Variants in ZRANB3 observed in about 807,000 individuals in gnomAD.
ZRANB3 encodes the protein zinc finger RANBP2-type containing 3.
ZRANB3 carries 125 observed loss-of-function variants against 133.8 expected under a neutral mutation model. That is an observed-to-expected ratio of 0.93 (90% CI 0.81 to 1.08). The LOEUF (loss-of-function observed/expected upper bound fraction) is 1.08, where lower values mean the gene tolerates loss of function less well. Ranked by LOEUF, ZRANB3 falls within the 50% of genes least tolerant of loss-of-function variation. The probability of loss-of-function intolerance (pLI) is 0.00; values close to 1 mark genes in which losing one functional copy is unlikely to be tolerated. For missense variants in ZRANB3, 1,229 were observed against 1,275.5 expected, an observed-to-expected ratio of 0.96 and a Z score of 0.56; for synonymous variants, 387 against 432.7, an observed-to-expected ratio of 0.89 and a Z score of 1.31.
intron 1 of ZRANB3, among the ~76,000 whole-genome samples, chr2:135,521,447 G>A (rs758986422): frequency 6.6e-6 from 1 of 152,114 alleles, no homozygotes; most frequent in Non-Finnish European, 1.5e-5. Flanking sequence ...GAGGACAATC[G>A]CTTGAACCCG....
chr2:135,272,860 G>T (rs1226740533), intron 9 of ZRANB3, among the ~76,000 whole-genome samples: 3 of 152,020 alleles, frequency 2.0e-5, no homozygotes, highest in African/African-American at 7.2e-5. Context: ...AGACAAGGGG[G>T]TTATCACTAT....
chr2:135,271,901 G>C lies in ZRANB3; in HGVS notation c.1087-14C>G. On this transcript the variant is annotated splice_polypyrimidine_tract_variant and intron_variant, in intron 9 of 20. Transcript: ENST00000264159. ...AATGTAACGAGTCTAGCATCAACAA[G>C]GAAAACGGCAAAATTAGGACAAGGC... 1.1e-5 allele frequency: 17 copies of C among 1,604,662 alleles called. 1 individual carries two copies. The highest frequency in any genetic ancestry group is 1.3e-5 in the Non-Finnish European group (15 of 1,176,568).
chr2:135,449,422 C>T (rs919681360), intron 2 of ZRANB3, among the ~76,000 whole-genome samples: 19 of 152,122 alleles, frequency 1.2e-4, no homozygotes, highest in Admixed American at 6.5e-5. Flanking sequence ...GAGTTCGAGA[C>T]CATCCTGGCC....
intron 17 of ZRANB3, among the ~76,000 whole-genome samples, chr2:135,214,899 G>A (rs1347231787): frequency 1.3e-5 from 2 of 152,158 alleles, no homozygotes; most frequent in African/African-American, 4.8e-5. Context: ...TTAATTTACT[G>A]TACTCATACA....
chr2:135,296,473 A>G (rs953374739), intron 8 of ZRANB3, among the ~76,000 whole-genome samples: 3 of 151,522 alleles, frequency 2.0e-5, no homozygotes, highest in Non-Finnish European at 4.4e-5. Context: ...CTAGTTAGCC[A>G]TTCGTCTAAT....
chr2:135,485,818 T>A (rs1406203296), intron 2 of ZRANB3, among the ~76,000 whole-genome samples: 1 of 152,180 alleles, frequency 6.6e-6, no homozygotes, highest in African/African-American at 2.4e-5. Flanking sequence ...AAAACATTGC[T>A]AAAAAAGGGT....
At chr2:135,385,498 T>G (rs985520628) in intron 3 of ZRANB3, among the ~76,000 whole-genome samples, 1 of 151,980 alleles carries the variant, frequency 6.6e-6, no homozygotes, top group Non-Finnish European at 1.5e-5. Context: ...CTAAAGTTCA[T>G]ATGGAACCAA....
At chr2:135,213,024 G>C (rs776077904) in intron 17 of ZRANB3, among the ~76,000 whole-genome samples, 2 of 152,158 alleles carry the variant, frequency 1.3e-5, no homozygotes, top group Non-Finnish European at 2.9e-5. Context: ...AGCTTGGATG[G>C]GGCCTGCAAA....
intron 6 of ZRANB3, among the ~76,000 whole-genome samples, chr2:135,325,002 T>C (rs1259615137): frequency 6.6e-6 from 1 of 152,222 alleles, no homozygotes; most frequent in African/African-American, 2.4e-5. Flanking sequence ...GATTTCTTTT[T>C]TAATTAAATA....
chr2:135,395,438 ATTTC>A (rs1256058318), intron 2 of ZRANB3, among the ~76,000 whole-genome samples: 2 of 137,020 alleles, frequency 1.5e-5, no homozygotes, highest in Admixed American at 7.3e-5. Context: ...ATGGGCAAAG[ATTTC>A]TTTTTTTTTT....
intron 5 of ZRANB3, among the ~76,000 whole-genome samples, chr2:135,349,698 G>C (rs1365466070): frequency 6.6e-6 from 1 of 152,048 alleles, no homozygotes; most frequent in Non-Finnish European, 1.5e-5. Flanking sequence ...AAGAACCTCA[G>C]GAACACATTA....
rs901374930 is a variant in ZRANB3, at chr2:135,214,931, A to G, written c.2495+2534T>C. ...TACAACATTTTACATTTATTTATTC[A>G]TTTTGAGACAGGGTCTTGCTTGATC... On this transcript the variant is annotated intron_variant, in intron 17 of 20. Coordinates refer to ENST00000264159, the MANE Select transcript of ZRANB3 (RefSeq NM_032143.4). Among the ~76,000 whole-genome samples, 27 of 152,150 alleles carry G rather than the reference A, an allele frequency of 1.8e-4. 1 individual carries two copies. Among genetic ancestry groups the G allele is most frequent in the South Asian group, 2.1e-4 (1 of 4,834 alleles).
At chr2:135,512,634 A>T (rs1209272536) in intron 1 of ZRANB3, among the ~76,000 whole-genome samples, 1 of 151,928 alleles carries the variant, frequency 6.6e-6, no homozygotes, top group African/African-American at 2.4e-5. Context: ...TGAAAGTAAA[A>T]GAATTAAAAA....
chr2:135,232,006 G>A (rs1228904496), intron 12 of ZRANB3, among the ~76,000 whole-genome samples: 6 of 152,178 alleles, frequency 3.9e-5, no homozygotes, highest in African/African-American at 7.2e-5. Flanking sequence ...CGACTCACCC[G>A]GGAAGCGCAA....
rs1693562626 is a variant in ZRANB3 at position 135,200,240 on chromosome 2, T to C, written c.*102A>G. ...GAATTTGAATTCTTGATTTTTGTTC[T>C]GAAAATTTTTACTCTCGATATATTA... On this transcript the variant is annotated 3_prime_UTR_variant, in exon 21 of 21. Coordinates refer to ENST00000264159, the MANE Select transcript of ZRANB3 (RefSeq NM_032143.4). 1 of 940,842 alleles carries C rather than the reference T, an allele frequency of 1.1e-6. No homozygotes were observed. Among genetic ancestry groups the C allele is most frequent in the Non-Finnish European group, 1.6e-6 (1 of 619,564 alleles). 58.3% of individuals were successfully genotyped at this position (940,842 alleles called of 1,614,324 possible).
At chr2:135,451,080 G>A (rs976098814) in intron 2 of ZRANB3, among the ~76,000 whole-genome samples, 1 of 152,046 alleles carries the variant, frequency 6.6e-6, no homozygotes, top group Middle Eastern at 3.2e-3. Context: ...TTCACAGTGG[G>A]GCAAAATCAT....
At chr2:135,529,625 G>A (rs1694335928) in intron 1 of ZRANB3, among the ~76,000 whole-genome samples, 2 of 151,888 alleles carry the variant, frequency 1.3e-5, no homozygotes, top group South Asian at 4.1e-4. Context: ...TCAGCCTCCC[G>A]TGTAGCTGGG....
Position 135,483,345 on chromosome 2 carries a change from G to A in ZRANB3, c.161+20984C>T, listed in dbSNP as rs185216539. Among the ~76,000 whole-genome samples the A allele has an allele frequency of 4.6e-5, 7 of 152,278 alleles. No individual in the cohort carries two copies. In the East Asian group the frequency reaches 1.4e-3, roughly 29 times the overall value. ...TCAACTTCTTCCTGGTCTAGTCTTG[G>A]GAGAGTGTATTTGTCGAGGAATTTA... On this transcript the variant is annotated intron_variant, in intron 2 of 20. Transcript: ENST00000264159.
At chr2:135,318,705 C>A (rs16831532) in intron 6 of ZRANB3, among the ~76,000 whole-genome samples, 15,971 of 152,072 alleles carry the variant, frequency 0.11, 1,102 homozygotes, top group South Asian at 0.32. Context: ...TTTGTTACCC[C>A]ATTTTGTTTT....
Sources: allele counts gnomAD v4.1 joint callset (sites outside exome capture counted in the v4.1 genomes callset), GRCh38; gene constraint gnomAD v4.1.1; transcripts MANE v1.5; gene names NCBI Gene and HGNC (gene_info 2026-07-23, HGNC 2026-07-21).